The following FAM174A variants were observed in gnomAD, a reference collection of about 807,000 sequenced individuals.
The protein encoded by FAM174A is family with sequence similarity 174 member A.
FAM174A carries 14 observed loss-of-function variants against 14.3 expected under a neutral mutation model. That is an observed-to-expected ratio of 0.98 (90% CI 0.65 to 1.53). The LOEUF (loss-of-function observed/expected upper bound fraction) is 1.53, where lower values mean the gene tolerates loss of function less well. FAM174A is among the 40% of genes most tolerant of loss of function. The pLI, the probability that FAM174A is intolerant of heterozygous loss-of-function variation, is 0.00. For missense variants in FAM174A, 241 were observed against 249.6 expected (o/e 0.97, Z 0.23); for synonymous variants, 108 against 111.4 (o/e 0.97, Z 0.19).
chr5:100,581,215 C>T, intron 2 of FAM174A: 1 of 194,892 alleles, frequency 5.1e-6, no homozygotes, highest in South Asian at 1.7e-4. Context: ...CAGGCGTGAG[C>T]CACTGCACAA....
chr5:100,549,145 G>A (rs1321708571), intron 1 of FAM174A, among the ~76,000 whole-genome samples: 1 of 152,092 alleles, frequency 6.6e-6, no homozygotes, highest in Non-Finnish European at 1.5e-5. Flanking sequence ...AATAAAAGGA[G>A]ATTATAGGAT....
chr5:100,544,409 G>C (rs1162271763), intron 1 of FAM174A, among the ~76,000 whole-genome samples: 1 of 140,246 alleles, frequency 7.1e-6, no homozygotes, highest in African/African-American at 2.7e-5. Flanking sequence ...TGAGATCCTG[G>C]AGAGAGAGAG....
At chr5:100,563,942 T>C (rs1746584029) in intron 2 of FAM174A, among the ~76,000 whole-genome samples, 1 of 151,880 alleles carries the variant, frequency 6.6e-6, no homozygotes, top group African/African-American at 2.4e-5. Context: ...AATTGAAGCC[T>C]GGTCAGAGAT....
intron 2 of FAM174A, among the ~76,000 whole-genome samples, chr5:100,578,022 C>T (rs968545148): frequency 6.6e-6 from 1 of 152,050 alleles, no homozygotes; most frequent in Non-Finnish European, 1.5e-5. Flanking sequence ...ATAGCGCATA[C>T]TAATAGAATG....
Position 100,566,145 on chromosome 5 carries a change from T to G in FAM174A, c.569+3957T>G, listed in dbSNP as rs112146146. On this transcript the variant is annotated intron_variant, in intron 2 of 2. Coordinates refer to ENST00000312637, the MANE Select transcript of FAM174A (RefSeq NM_198507.3). ...ATAAATGAATTTGAAAAGTATGATA[T>G]ATATATATATATATATATATATATA... 9.3e-3 allele frequency among the ~76,000 whole-genome samples: 655 copies of G among 70,466 alleles called. 14 individuals carry two copies. Among genetic ancestry groups the G allele is most frequent in the African/African-American group, 0.021 (443 of 21,010 alleles). The allele number at this position is 70,466 out of a possible 152,430, so 46.2% of individuals were successfully genotyped here.
intron 1 of FAM174A, among the ~76,000 whole-genome samples, chr5:100,545,700 G>A (rs1441046761): frequency 6.6e-6 from 1 of 152,104 alleles, no homozygotes; most frequent in Non-Finnish European, 1.5e-5. Context: ...GAGTATATGT[G>A]TAATTTTCCA....
chr5:100,586,342 C>A lies in FAM174A; in HGVS notation c.*158C>A, dbSNP rs566486201. On this transcript the variant is annotated 3_prime_UTR_variant, in exon 3 of 3. Coordinates refer to ENST00000312637, the MANE Select transcript of FAM174A (RefSeq NM_198507.3). ...TTGCTGTTGCAATAAATACCGTATC[C>A]TTTTATTATATCTTTATATGTATAG... The A allele has an allele frequency of 2.0e-3, 917 of 447,466 alleles. 4 individuals carry two copies. Among genetic ancestry groups the A allele is most frequent in the Non-Finnish European group, 2.1e-3 (504 of 242,964 alleles). 27.7% of individuals were successfully genotyped at this position (447,466 alleles called of 1,614,324 possible).
intron 1 of FAM174A, among the ~76,000 whole-genome samples, chr5:100,560,328 C>A (rs1213926069): frequency 6.6e-6 from 1 of 152,078 alleles, no homozygotes; most frequent in Non-Finnish European, 1.5e-5. Flanking sequence ...ATGTAACAAC[C>A]TAAACATACT....
chr5:100,579,562 T>C (rs1242996102), intron 2 of FAM174A, among the ~76,000 whole-genome samples: 1 of 152,052 alleles, frequency 6.6e-6, no homozygotes, highest in Admixed American at 6.6e-5. Context: ...GTAGCTGGGA[T>C]TACAGATGCC....
intron 1 of FAM174A, among the ~76,000 whole-genome samples, chr5:100,558,529 A>G (rs1490024747): frequency 6.6e-6 from 1 of 152,038 alleles, no homozygotes; most frequent in Non-Finnish European, 1.5e-5. Flanking sequence ...TCTAATGTTG[A>G]CAGTGGGGTA....
At chr5:100,551,630 T>C (rs1336967606) in intron 1 of FAM174A, among the ~76,000 whole-genome samples, 1 of 152,164 alleles carries the variant, frequency 6.6e-6, no homozygotes, top group African/African-American at 2.4e-5. Context: ...ATTAATTTGT[T>C]AGAGCTGTTG....
At chr5:100,556,803 A>T (rs1439442818) in intron 1 of FAM174A, among the ~76,000 whole-genome samples, 6 of 152,072 alleles carry the variant, frequency 3.9e-5, no homozygotes, top group Non-Finnish European at 7.4e-5. Context: ...GTTTCCTGAG[A>T]CTTTGCTGAA....
intron 2 of FAM174A, among the ~76,000 whole-genome samples, chr5:100,566,803 T>G (rs890934212): frequency 3.3e-5 from 5 of 151,930 alleles, no homozygotes; most frequent in African/African-American, 1.2e-4. Context: ...TTGTAATCTA[T>G]GCTAATCATC....
chr5:100,551,865 A>T (rs1580366397), intron 1 of FAM174A, among the ~76,000 whole-genome samples: 1 of 152,100 alleles, frequency 6.6e-6, no homozygotes, highest in East Asian at 1.9e-4. Flanking sequence ...GTTTATAAGG[A>T]CATCAGTCAC....
chr5:100,584,263 AACAGTACTGTT>A (rs1292340475), intron 2 of FAM174A, among the ~76,000 whole-genome samples: 3 of 152,204 alleles, frequency 2.0e-5, no homozygotes, highest in Non-Finnish European at 4.4e-5. Flanking sequence ...ATTTGCATGA[AACAGTACTGTT>A]AGCCTATCCT....
intron 1 of FAM174A, among the ~76,000 whole-genome samples, chr5:100,555,063 T>A: frequency 6.6e-6 from 1 of 152,100 alleles, no homozygotes. Flanking sequence ...TATCTCCTAA[T>A]GCTATCCCTC....
At chr5:100,563,790 C>A (rs921097006) in intron 2 of FAM174A, among the ~76,000 whole-genome samples, 1 of 151,834 alleles carries the variant, frequency 6.6e-6, no homozygotes, top group African/African-American at 2.4e-5. Context: ...TTCCAAGTGT[C>A]TTTTCCAACC....
At chr5:100,561,545 G>A (rs573529010) in intron 1 of FAM174A, among the ~76,000 whole-genome samples, 1 of 151,966 alleles carries the variant, frequency 6.6e-6, no homozygotes, top group African/African-American at 2.4e-5. Context: ...ATTCAGTTAT[G>A]TCCTAAACAT....
At chr5:100,561,825 A>C (rs1041421119) in intron 1 of FAM174A, among the ~76,000 whole-genome samples, 5 of 151,966 alleles carry the variant, frequency 3.3e-5, no homozygotes, top group African/African-American at 1.2e-4. Context: ...TGACACAGAG[A>C]GAAGAGAGTA....
Sources: allele counts gnomAD v4.1 joint callset (sites outside exome capture counted in the v4.1 genomes callset), GRCh38; gene constraint gnomAD v4.1.1; transcripts MANE v1.5; gene names NCBI Gene and HGNC (gene_info 2026-07-23, HGNC 2026-07-21).